TENM2: variants seen among roughly 807,000 people sequenced by gnomAD.
TENM2 encodes teneurin transmembrane protein 2, also known as teneurin-2.
In TENM2, 52 loss-of-function variants were observed where a neutral mutation model predicts 245.2. The observed-to-expected ratio is 0.21, with a 90% confidence interval of 0.17 to 0.27. The LOEUF (loss-of-function observed/expected upper bound fraction) is 0.27. Among genes scored for constraint, TENM2 ranks in the 10% least tolerant of loss-of-function variants. The probability of loss-of-function intolerance (pLI) is 1.00; values close to 1 mark genes in which losing one functional copy is unlikely to be tolerated. For missense variants in TENM2, 3,046 were observed against 3,666.8 expected (o/e 0.83, Z 4.37); for synonymous variants, 1,363 against 1,438.9 (o/e 0.95, Z 1.19).
intron 2 of TENM2, among the ~76,000 whole-genome samples, chr5:167,609,857 A>G (rs1397620849): frequency 6.6e-6 from 1 of 152,126 alleles, no homozygotes; most frequent in Non-Finnish European, 1.5e-5. Context: ...CAACCAATCA[A>G]TTCTCCAGCA....
intron 2 of TENM2, among the ~76,000 whole-genome samples, chr5:167,427,722 GGAAGGAAGAAAGGACGGA>G (rs1763940674): frequency 7.5e-6 from 1 of 132,882 alleles, no homozygotes; most frequent in African/African-American, 2.8e-5. Flanking sequence ...GGGAAGGAAG[GGAAGGAAGAAAGGACGGA>G]AAGGAAGGGA....
chr5:167,210,634 T>G, the TENM2 span, among the ~76,000 whole-genome samples: 7 of 151,532 alleles, frequency 4.6e-5, no homozygotes, highest in African/African-American at 1.7e-4. Flanking sequence ...CGGCTAATTT[T>G]TTGTATTTTT....
At chr5:167,476,506 T>C (rs1298180607) in intron 2 of TENM2, among the ~76,000 whole-genome samples, 1 of 152,236 alleles carries the variant, frequency 6.6e-6, no homozygotes, top group Non-Finnish European at 1.5e-5. Context: ...GTGCTCATGA[T>C]GGCAAACTGA....
chr5:166,982,784 T>G, the TENM2 span, among the ~76,000 whole-genome samples: 16 of 147,742 alleles, frequency 1.1e-4, no homozygotes, highest in Non-Finnish European at 1.8e-4. Context: ...TATATATATG[T>G]TTTTTTTGGG....
chr5:167,084,326 GTTATATATATAT>G, the TENM2 span, among the ~76,000 whole-genome samples: 4 of 6,748 alleles, frequency 5.9e-4, no homozygotes, highest in Admixed American at 2.4e-3. Context: ...AGCCATTTTA[GTTATATATATAT>G]ATATATATAT....
intron 2 of TENM2, among the ~76,000 whole-genome samples, chr5:167,376,742 A>C (rs1760774440): frequency 6.6e-6 from 1 of 152,158 alleles, no homozygotes; most frequent in Non-Finnish European, 1.5e-5. Flanking sequence ...AATTTTAACA[A>C]AATTCTGACA....
At chr5:167,923,591 G>T (rs1486996100) in intron 3 of TENM2, among the ~76,000 whole-genome samples, 1 of 152,120 alleles carries the variant, frequency 6.6e-6, no homozygotes, top group East Asian at 1.9e-4. Flanking sequence ...CCACACTTGA[G>T]GTCCTAGTCA....
At chr5:167,549,427 T>C (rs1342059490) in intron 2 of TENM2, among the ~76,000 whole-genome samples, 1 of 152,220 alleles carries the variant, frequency 6.6e-6, no homozygotes, top group Admixed American at 6.5e-5. Flanking sequence ...AAAACTAACA[T>C]GATATCAGCT....
the TENM2 span, among the ~76,000 whole-genome samples, chr5:167,251,506 G>C: frequency 6.6e-6 from 1 of 152,128 alleles, no homozygotes; most frequent in Non-Finnish European, 1.5e-5. Flanking sequence ...AGGGCAAGCA[G>C]TCATATTTCT....
chr5:168,182,795 C>T (rs1760027099), intron 13 of TENM2, among the ~76,000 whole-genome samples: 1 of 151,382 alleles, frequency 6.6e-6, no homozygotes, highest in African/African-American at 2.4e-5. Flanking sequence ...CACGTGAGCC[C>T]TGATCCCTGT....
the TENM2 span, among the ~76,000 whole-genome samples, chr5:167,034,642 A>G: frequency 6.6e-6 from 1 of 151,382 alleles, no homozygotes; most frequent in Non-Finnish European, 1.5e-5. Context: ...AAAAAAAAAA[A>G]AAAAAAAAAA....
upstream of TENM2, among the ~76,000 whole-genome samples, chr5:167,279,983 G>A (rs896696331): frequency 6.6e-6 from 1 of 152,078 alleles, no homozygotes; most frequent in Non-Finnish European, 1.5e-5. Context: ...CTGGACATTT[G>A]GGATATCATG....
chr5:167,705,993 T>A (rs7725015), intron 2 of TENM2, among the ~76,000 whole-genome samples: 3,335 of 65,902 alleles, frequency 0.051, 38 homozygotes, highest in African/African-American at 0.11. Context: ...ATATATATAT[T>A]TATTTATTTA....
chr5:168,011,064 T>C (rs1264765547), intron 5 of TENM2, among the ~76,000 whole-genome samples: 1 of 152,220 alleles, frequency 6.6e-6, no homozygotes, highest in Non-Finnish European at 1.5e-5. Context: ...ATTGATGAAA[T>C]AGTCCAAATA....
intron 25 of TENM2, among the ~76,000 whole-genome samples, chr5:168,229,190 A>AAC (rs1313593844): frequency 6.6e-6 from 1 of 152,176 alleles, no homozygotes. Context: ...CAGATGAGAA[A>AAC]ACAGACTCAG....
At chr5:167,749,752 G>A in intron 2 of TENM2, among the ~76,000 whole-genome samples, 1 of 152,080 alleles carries the variant, frequency 6.6e-6, no homozygotes, top group Admixed American at 6.6e-5. Context: ...GAGAAGAAGG[G>A]GAGGCAAAGT....
chr5:166,980,103 A>C, the TENM2 span, among the ~76,000 whole-genome samples: 2 of 152,190 alleles, frequency 1.3e-5, no homozygotes, highest in East Asian at 3.9e-4. Context: ...ACAGATTTGC[A>C]GGAGGCAATA....
chr5:168,107,727 G>A (rs1308311417), intron 9 of TENM2, among the ~76,000 whole-genome samples: 1 of 152,214 alleles, frequency 6.6e-6, no homozygotes, highest in Non-Finnish European at 1.5e-5. Flanking sequence ...CATAAAGTGT[G>A]AGGCCCTGCT....
chr5:167,439,850 T>C (rs181861483), intron 2 of TENM2, among the ~76,000 whole-genome samples: 62 of 152,302 alleles, frequency 4.1e-4, no homozygotes, highest in Admixed American at 3.9e-3. Flanking sequence ...ATATATTTTA[T>C]GAAAAGAATA....
Sources: gnomAD v4.1 joint callset for allele counts (sites outside exome capture counted in the v4.1 genomes callset) on GRCh38, gnomAD v4.1.1 for gene constraint, MANE v1.5 for transcripts, NCBI Gene and HGNC (gene_info 2026-07-23, HGNC 2026-07-21) for gene names.